Variants in ADAMTS2 observed in about 807,000 individuals in gnomAD.
The protein encoded by ADAMTS2 is ADAM metallopeptidase with thrombospondin type 1 motif 2.
ADAMTS2 carries 50 observed loss-of-function variants against 123.0 expected under a neutral mutation model. The observed-to-expected ratio is 0.41, with a 90% CI of 0.32 to 0.51. The LOEUF (loss-of-function observed/expected upper bound fraction) is 0.51, where lower values mean the gene tolerates loss of function less well. Among genes scored for constraint, ADAMTS2 ranks in the 20% least tolerant of loss-of-function variants. The probability of loss-of-function intolerance (pLI) is 0.35; values close to 1 mark genes in which losing one functional copy is unlikely to be tolerated. For missense variants in ADAMTS2, 1,494 were observed against 1,705.2 expected, an observed-to-expected ratio of 0.88 and a Z score of 2.18; for synonymous variants, 678 against 695.4, an observed-to-expected ratio of 0.98 and a Z score of 0.39.
intron 6 of ADAMTS2, among the ~76,000 whole-genome samples, chr5:179,157,843 A>G (rs945609410): frequency 1.3e-5 from 2 of 152,204 alleles, no homozygotes; most frequent in African/African-American, 4.8e-5. Flanking sequence ...CATACTTCAG[A>G]TATAAATCCT....
At chr5:179,133,639 A>C (rs1313997201) in intron 13 of ADAMTS2, among the ~76,000 whole-genome samples, 1 of 152,134 alleles carries the variant, frequency 6.6e-6, no homozygotes, top group Non-Finnish European at 1.5e-5. Context: ...TAGGTTCTGC[A>C]TGAATATTTA....
chr5:179,125,276 A>G (rs1013779983), intron 18 of ADAMTS2, 96 bp from the exon 19 acceptor site: 9 of 1,145,014 alleles, frequency 7.9e-6, no homozygotes, highest in African/African-American at 3.0e-5. Context: ...CCAGGTAGAC[A>G]GCGAGCACAG....
Position 179,129,816 on chromosome 5 carries a change from A to C in ADAMTS2, c.2457+116T>G. ...CCCCTTGGTGCCAAAGGCAGGCCAA[A>C]GGGGCCACGCAGAGTGTCACCTGAA... On this transcript the variant is annotated intron_variant, in intron 16 of 21. Transcript: ENST00000251582. This position sits in a 1 kb window ranked among gnomAD's most constrained non-coding sequence, Gnocchi z 4.1. 7.1e-7 allele frequency: 1 copy of C among 1,410,002 alleles called. No individual in the cohort carries two copies. Among genetic ancestry groups the C allele is most frequent in the South Asian group, 1.3e-5 (1 of 79,824 alleles). The allele number at this position is 1,410,002 out of a possible 1,614,324, so 87.3% of individuals were successfully genotyped here. A position where few individuals can be genotyped will look rare whatever the true frequency, so the allele number is the denominator to read the frequency against.
intron 3 of ADAMTS2, among the ~76,000 whole-genome samples, chr5:179,244,163 G>A (rs4700790): frequency 0.42 from 63,193 of 151,664 alleles, 13,635 homozygotes; most frequent in African/African-American, 0.49. Context: ...CTACGTGTCC[G>A]AGAAACTCAG....
Position 179,272,989 on chromosome 5 carries a change from C to T in ADAMTS2, c.610G>A (p.Glu204Lys), listed in dbSNP as rs1479648992. The T allele has an allele frequency of 6.2e-7, 1 of 1,613,246 alleles. No homozygotes were observed. The part of the protein sequence containing the change: ...LEKGLAAQEA[E>K]QGRVHVVYRR... ...TACACCACATGCACACGGCCTTGCT[C>T]AGCCTCCTGCGCCGCCAGCCCCTTC... Residue 204 changes from glutamate to lysine, a missense_variant, in exon 3 of 22, where the codon GAG (glutamate) becomes AAG (lysine). Around this residue, in one of 6 missense-constraint regions of ADAMTS2, gnomAD observed 184 missense variants for 152.1 expected, o/e 1.21. Transcript: ENST00000251582. The surrounding 1 kb of genome is among the most constrained non-coding windows in gnomAD (Gnocchi z 5.8).
chr5:179,139,836 C>G (rs1470119617), intron 11 of ADAMTS2, 54 bp downstream of exon 11: 3 of 1,607,474 alleles, frequency 1.9e-6, no homozygotes, highest in Non-Finnish European at 2.5e-6. Flanking sequence ...GAGAGGGTCT[C>G]CTGGACCCTC....
intron 10 of ADAMTS2, among the ~76,000 whole-genome samples, chr5:179,142,775 A>G (rs1490483377): frequency 6.6e-6 from 1 of 152,224 alleles, no homozygotes; most frequent in East Asian, 1.9e-4. Flanking sequence ...TGCAGGGGAC[A>G]TAAGCTTCAT....
chr5:179,270,060 A>C lies in ADAMTS2; in HGVS notation c.688+2851T>G, dbSNP rs1000381848. Among the ~76,000 whole-genome samples the C allele has an allele frequency of 2.6e-5, 4 of 152,106 alleles. No individual in the cohort carries two copies. The East Asian group carries it at 7.7e-4, about 29-fold the overall frequency. On this transcript the variant is annotated intron_variant, in intron 3 of 21. Coordinates refer to ENST00000251582, the MANE Select transcript of ADAMTS2 (RefSeq NM_014244.5). ...CTCCCGGGTGTTGCCTAAGCTGCCC[A>C]GTGCACACACTCATCCCTGGCCTGT... is the stretch of plus-strand genomic sequence containing the variant.
intron 4 of ADAMTS2, among the ~76,000 whole-genome samples, chr5:179,200,309 C>T (rs183125629): frequency 2.2e-5 from 3 of 134,416 alleles, no homozygotes; most frequent in African/African-American, 8.7e-5. Flanking sequence ...AGTGCAGTGG[C>T]GTCACCTCAG....
chr5:179,238,308 T>C (rs1581212057), intron 3 of ADAMTS2, among the ~76,000 whole-genome samples: 1 of 152,280 alleles, frequency 6.6e-6, no homozygotes, highest in South Asian at 2.1e-4. Flanking sequence ...AGCTACTGTG[T>C]AGGGGCCAGC....
chr5:179,289,380 T>C (rs1242462903), intron 2 of ADAMTS2, among the ~76,000 whole-genome samples: 1 of 152,174 alleles, frequency 6.6e-6, no homozygotes, highest in Non-Finnish European at 1.5e-5. Flanking sequence ...AGGGCAGCTC[T>C]TTCTCACAGG....
intron 4 of ADAMTS2, 152 bp downstream of exon 4, chr5:179,207,361 A>G (rs564876414): frequency 3.9e-5 from 31 of 802,904 alleles, no homozygotes; most frequent in Non-Finnish European, 5.5e-5. Flanking sequence ...CTGGGGACCC[A>G]GCAAGCCTCC....
intron 3 of ADAMTS2, among the ~76,000 whole-genome samples, chr5:179,248,207 A>G (rs2113464125): frequency 6.6e-6 from 1 of 152,278 alleles, no homozygotes; most frequent in South Asian, 2.1e-4. Context: ...TCCCAGGATA[A>G]CCAATAAGAC....
chr5:179,177,294 T>C (rs1384194501), intron 5 of ADAMTS2, among the ~76,000 whole-genome samples: 1 of 152,244 alleles, frequency 6.6e-6, no homozygotes, highest in Non-Finnish European at 1.5e-5. Flanking sequence ...TTTCTCTTTA[T>C]ACATTATTCA....
intron 2 of ADAMTS2, among the ~76,000 whole-genome samples, chr5:179,334,505 T>A (rs1431594595): frequency 6.6e-6 from 1 of 152,214 alleles, no homozygotes; most frequent in Non-Finnish European, 1.5e-5. Context: ...ATGAAATCCA[T>A]CTTAATCCAC....
chr5:179,121,524 A>T, intron 21 of ADAMTS2, 137 bp downstream of exon 21: 1 of 624,050 alleles, frequency 1.6e-6, no homozygotes, highest in Non-Finnish European at 2.6e-6. Flanking sequence ...GCCCGGGAGA[A>T]AACGGTCACC....
intron 3 of ADAMTS2, among the ~76,000 whole-genome samples, chr5:179,239,927 G>A (rs1449499962): frequency 6.6e-6 from 1 of 152,162 alleles, no homozygotes; most frequent in African/African-American, 2.4e-5. Context: ...GCAGGGAGAT[G>A]CAGCAGCATG....
chr5:179,144,523 C>G (rs1350237527), intron 10 of ADAMTS2, among the ~76,000 whole-genome samples: 2 of 152,166 alleles, frequency 1.3e-5, no homozygotes, highest in African/African-American at 4.8e-5. Flanking sequence ...TACTATTAAA[C>G]TACAGTAATC....
intron 5 of ADAMTS2, among the ~76,000 whole-genome samples, chr5:179,176,245 G>A (rs115573977): frequency 0.013 from 1,989 of 152,178 alleles, 41 homozygotes; most frequent in African/African-American, 0.045. Flanking sequence ...GAGGGGCTAC[G>A]GGGCCGTCAC....
Sources: gnomAD v4.1 joint callset for allele counts (sites outside exome capture counted in the v4.1 genomes callset) on GRCh38, gnomAD v4.1.1 for gene constraint, gnomAD v4.1.1 regional missense constraint, Gnocchi (gnomAD v3.1) non-coding constraint, MANE v1.5 for transcripts, NCBI Gene and HGNC (gene_info 2026-07-23, HGNC 2026-07-21) for gene names.